The following RALYL variants were observed in gnomAD, a reference collection of about 807,000 sequenced individuals.
RALYL encodes RNA-binding Raly-like protein.
RALYL carries 29 observed loss-of-function variants against 35.1 expected under a neutral mutation model. That is an observed-to-expected ratio of 0.83 (90% CI 0.61 to 1.13). The LOEUF (loss-of-function observed/expected upper bound fraction) is 1.13. Among genes scored for constraint, RALYL ranks in the 50% most tolerant of loss-of-function variants. The pLI is 0.00. For synonymous variants in RALYL, 120 were observed against 127.6 expected (o/e 0.94, Z 0.40); for missense variants, 359 against 360.4 (o/e 1.00, Z 0.03).
chr8:84,459,987 T>G (rs910751871), intron 1 of RALYL, among the ~76,000 whole-genome samples: 1 of 151,748 alleles, frequency 6.6e-6, no homozygotes, highest in Non-Finnish European at 1.5e-5. Context: ...GATTTTACTT[T>G]ATATAAAAAA....
At chr8:84,267,856 A>G (rs1833622809) in intron 1 of RALYL, among the ~76,000 whole-genome samples, 1 of 152,208 alleles carries the variant, frequency 6.6e-6, no homozygotes. Flanking sequence ...GAGTTTATAT[A>G]AATCCTATCA....
chr8:84,608,838 T>C (rs1266596916), intron 2 of RALYL, among the ~76,000 whole-genome samples: 3 of 152,160 alleles, frequency 2.0e-5, no homozygotes, highest in Admixed American at 2.0e-4. Flanking sequence ...ATGTGTTGCA[T>C]ATCTGCAGTT....
At chr8:84,590,921 T>G (rs1813105359) in intron 2 of RALYL, among the ~76,000 whole-genome samples, 1 of 152,180 alleles carries the variant, frequency 6.6e-6, no homozygotes, top group South Asian at 2.1e-4. Context: ...ATATTTCGTC[T>G]TATTAATTAT....
At chr8:84,203,062 C>T (rs1817277642) in intron 1 of RALYL, among the ~76,000 whole-genome samples, 1 of 152,022 alleles carries the variant, frequency 6.6e-6, no homozygotes, top group Non-Finnish European at 1.5e-5. Context: ...GTTAGTTATT[C>T]GCAAAGGAAA....
intron 1 of RALYL, among the ~76,000 whole-genome samples, chr8:84,322,207 A>C (rs566228020): frequency 2.6e-5 from 4 of 152,282 alleles, no homozygotes; most frequent in African/African-American, 7.2e-5. Flanking sequence ...AAAACAGCAG[A>C]GTACACATTA....
chr8:84,698,842 G>A (rs987651570), intron 2 of RALYL, among the ~76,000 whole-genome samples: 3 of 152,074 alleles, frequency 2.0e-5, no homozygotes, highest in Non-Finnish European at 2.9e-5. Context: ...CGTGCCACTT[G>A]CTGGTCCCCA....
chr8:84,313,920 A>G (rs1843270245), intron 1 of RALYL, among the ~76,000 whole-genome samples: 1 of 152,030 alleles, frequency 6.6e-6, no homozygotes, highest in African/African-American at 2.4e-5. Flanking sequence ...GTATCCCACT[A>G]TCCTGGTACC....
chr8:84,432,070 T>C (rs2047203317), intron 1 of RALYL, among the ~76,000 whole-genome samples: 1 of 152,204 alleles, frequency 6.6e-6, no homozygotes, highest in African/African-American at 2.4e-5. Context: ...TTAACAATTC[T>C]ACTTCTGGAT....
chr8:84,411,495 C>CT (rs74275174), intron 1 of RALYL, among the ~76,000 whole-genome samples: 211 of 149,494 alleles, frequency 1.4e-3, no homozygotes, highest in African/African-American at 3.0e-3. Flanking sequence ...ATTCTTTTTA[C>CT]TTTTTTTTTT....
At chr8:84,657,787 A>G (rs1280850844) in intron 2 of RALYL, among the ~76,000 whole-genome samples, 2 of 152,220 alleles carry the variant, frequency 1.3e-5, no homozygotes, top group Non-Finnish European at 2.9e-5. Context: ...CAACAGGGCT[A>G]CAGAGCTGTC....
At chr8:84,627,146 C>T (rs1233233950) in intron 2 of RALYL, among the ~76,000 whole-genome samples, 1 of 151,980 alleles carries the variant, frequency 6.6e-6, no homozygotes, top group East Asian at 1.9e-4. Context: ...TGGTTCTTAA[C>T]CTTTCAGGGT....
intron 1 of RALYL, among the ~76,000 whole-genome samples, chr8:84,307,775 T>A (rs777557335): frequency 3.9e-5 from 6 of 152,082 alleles, no homozygotes; most frequent in Non-Finnish European, 7.4e-5. Context: ...AGGGCACAAA[T>A]TGAGACACAG....
chr8:84,463,905 T>C (rs190163157), intron 1 of RALYL, among the ~76,000 whole-genome samples: 3 of 152,144 alleles, frequency 2.0e-5, no homozygotes, highest in Admixed American at 2.0e-4. Flanking sequence ...CTTTGTTTTT[T>C]ATGCCTGGCA....
chr8:84,470,245 C>T (rs970099109), intron 1 of RALYL, among the ~76,000 whole-genome samples: 1 of 152,066 alleles, frequency 6.6e-6, no homozygotes, highest in East Asian at 1.9e-4. Context: ...AATATAGAGG[C>T]AATAACATTA....
Position 84,873,373 on chromosome 8 carries a change from G to A in RALYL, c.661G>A (p.Glu221Lys). 6.3e-7 allele frequency: 1 copy of A among 1,598,436 alleles called. No homozygotes were observed. Among genetic ancestry groups the A allele is most frequent in the Non-Finnish European group, 8.5e-7 (1 of 1,171,846 alleles). ...CTTGCTAGGGCGCCTGGAGAAGATTGAGAAACAGCAGAAGGCGGAGGCAGG... is the reference window on the plus strand; with the variant it reads ...CTTGCTAGGGCGCCTGGAGAAGATTAAGAAACAGCAGAAGGCGGAGGCAGG... Reference protein sequence around the residue: ...DSLLGRLEKIEKQQKAEAEAQ... With the variant: ...DSLLGRLEKIKKQQKAEAEAQ... The change falls in exon 7 of 9, where the codon GAG becomes AAG. Residue 221 changes from glutamate (E) to lysine (K), a missense_variant. Physicochemically the swap from Glu to Lys is moderately conservative, Grantham distance 56 (BLOSUM62 1). Coordinates refer to ENST00000521268, the MANE Select transcript of RALYL (RefSeq NM_173848.7).
intron 4 of RALYL, among the ~76,000 whole-genome samples, chr8:84,813,375 C>T (rs931149492): frequency 2.0e-5 from 3 of 152,160 alleles, no homozygotes; most frequent in African/African-American, 7.2e-5. Context: ...ATTCACCATG[C>T]GAGCCTCTGC....
intron 1 of RALYL, among the ~76,000 whole-genome samples, chr8:84,203,757 G>C (rs1214540217): frequency 6.6e-6 from 1 of 152,046 alleles, no homozygotes; most frequent in African/African-American, 2.4e-5. Flanking sequence ...TAGATTATAT[G>C]CTTCTTAAAG....
At chr8:84,617,454 C>T (rs1231165430) in intron 2 of RALYL, among the ~76,000 whole-genome samples, 1 of 148,848 alleles carries the variant, frequency 6.7e-6, no homozygotes, top group Admixed American at 6.6e-5. Flanking sequence ...TATCCTGAGA[C>T]TTTGCTGAAG....
At chr8:84,711,576 A>G (rs1488679462) in intron 2 of RALYL, among the ~76,000 whole-genome samples, 1 of 152,150 alleles carries the variant, frequency 6.6e-6, no homozygotes, top group African/African-American at 2.4e-5. Context: ...CCTATGAGAA[A>G]AAGTAAATTT....
Sources: gnomAD v4.1 joint callset for allele counts (sites outside exome capture counted in the v4.1 genomes callset) on GRCh38, gnomAD v4.1.1 for gene constraint, MANE v1.5 for transcripts, NCBI Gene and HGNC (gene_info 2026-07-23, HGNC 2026-07-21) for gene names.